ZBTB40: variants seen among roughly 807,000 people sequenced by gnomAD.
The protein encoded by ZBTB40 is zinc finger and BTB domain-containing protein 40.
ZBTB40 carries 60 observed loss-of-function variants against 117.5 expected under a neutral mutation model. The observed-to-expected ratio is 0.51, with a 90% CI of 0.41 to 0.63. The LOEUF is 0.63. ZBTB40 is among the 30% of genes least tolerant of loss of function. ZBTB40 has a pLI of 0.00. For missense variants in ZBTB40, 1,287 were observed against 1,498.5 expected (o/e 0.86, Z 2.33); for synonymous variants, 525 against 577.1 (o/e 0.91, Z 1.29).
At chr1:22,478,044 G>A (rs925303946) in intron 1 of ZBTB40, among the ~76,000 whole-genome samples, 7 of 152,050 alleles carry the variant, frequency 4.6e-5, no homozygotes, top group African/African-American at 7.2e-5. Flanking sequence ...TTATTTTGTC[G>A]TCCTTGACTC....
At chr1:22,521,124 G>C (rs1440114274) in intron 14 of ZBTB40, among the ~76,000 whole-genome samples, 1 of 152,246 alleles carries the variant, frequency 6.6e-6, no homozygotes, top group African/African-American at 2.4e-5. Flanking sequence ...GTTACAGTTG[G>C]AAGGCCTGGG....
chr1:22,512,812 T>C, intron 11 of ZBTB40, 112 bp from the exon 12 acceptor site: 2 of 1,253,198 alleles, frequency 1.6e-6, no homozygotes, highest in Non-Finnish European at 2.3e-6. Flanking sequence ...GGCTTCATGC[T>C]GTGCTTCCTC....
intron 12 of ZBTB40, among the ~76,000 whole-genome samples, chr1:22,515,728 G>A (rs1639357792): frequency 6.6e-6 from 1 of 152,140 alleles, no homozygotes; most frequent in African/African-American, 2.4e-5. Context: ...CATTCACAAA[G>A]TCCTTTTGCC....
At chr1:22,461,671 G>A (rs554813554) in intron 1 of ZBTB40, among the ~76,000 whole-genome samples, 16 of 152,312 alleles carry the variant, frequency 1.1e-4, no homozygotes, top group African/African-American at 3.6e-4. Flanking sequence ...AGTGTGATAG[G>A]ACAGTGTTGC....
rs918657850 is a variant in ZBTB40 at position 22,490,085 on chromosome 1, G to A, written c.137G>A (p.Ser46Asn). The A allele has an allele frequency of 1.9e-6, 3 of 1,614,152 alleles. No individual in the cohort carries two copies. Among genetic ancestry groups the A allele is most frequent in the Non-Finnish European group, 2.5e-6 (3 of 1,180,012 alleles). The change falls in exon 2 of 18, where the codon AGC becomes AAC. Residue 46 changes from serine to asparagine, a missense_variant. Transcript: ENST00000375647. ...RAHKLVLAAA[S>N]LLFKTLLDNT... ...CACAAGCTTGTCCTGGCTGCTGCCA[G>A]CCTCCTGTTCAAAACCCTGCTGGAT... is the stretch of plus-strand genomic sequence containing the variant.
intron 1 of ZBTB40, among the ~76,000 whole-genome samples, chr1:22,472,749 C>T (rs897650600): frequency 6.6e-6 from 1 of 152,152 alleles, no homozygotes; most frequent in African/African-American, 2.4e-5. Flanking sequence ...CTAGGTCCTT[C>T]GAGGCTTAAC....
At chr1:22,452,718 C>T (rs937340913) in intron 1 of ZBTB40, 1 of 152,374 alleles carries the variant, frequency 6.6e-6, no homozygotes, top group African/African-American at 2.4e-5. Flanking sequence ...TGTCATTCAG[C>T]TATTCCTCTC....
Position 22,491,438 on chromosome 1 carries a change from GA to G in ZBTB40, c.740del (p.Asn247MetfsTer16), listed in dbSNP as rs1209931109. ...RKHYQLNFLLENEGVFSDALM... is the reference protein window; with the variant it reads ...RKHYQLNFLLXNEGVFSDALM... ...ACACTACCAGCTGAATTTTCTTCTA[GA>G]AAATGAAGGTGTCTTCTCAGATGCA... On this transcript the variant is annotated frameshift_variant, in exon 3 of 18. Coordinates refer to ENST00000375647, the MANE Select transcript of ZBTB40 (RefSeq NM_014870.4). LOFTEE classifies it high-confidence loss of function. 5.0e-6 allele frequency: 8 copies of G among 1,613,982 alleles called. No individual in the cohort carries two copies. The South Asian group carries it at 7.7e-5, about 16-fold the overall frequency.
intron 1 of ZBTB40, among the ~76,000 whole-genome samples, chr1:22,477,440 A>G (rs1272686902): frequency 2.0e-5 from 3 of 152,084 alleles, no homozygotes; most frequent in Admixed American, 6.5e-5. Flanking sequence ...AATGAGGTCA[A>G]GAGATCGAGA....
intron 6 of ZBTB40, among the ~76,000 whole-genome samples, chr1:22,506,483 C>G (rs756623489): frequency 8.5e-5 from 13 of 152,172 alleles, no homozygotes; most frequent in Admixed American, 5.9e-4. Context: ...GATTTATTAA[C>G]GTGTGGCTTT....
chr1:22,430,221 G>A (rs1234517668), intron 1 of ZBTB40, among the ~76,000 whole-genome samples: 2 of 152,026 alleles, frequency 1.3e-5, no homozygotes, highest in Non-Finnish European at 2.9e-5. Context: ...TTTGAGTTGG[G>A]AATTTTGCAT....
intron 5 of ZBTB40, among the ~76,000 whole-genome samples, chr1:22,503,511 T>C (rs1638999798): frequency 6.6e-6 from 1 of 152,116 alleles, no homozygotes; most frequent in Non-Finnish European, 1.5e-5. Flanking sequence ...GAGAAAACGT[T>C]TAGAAGCCAC....
At chr1:22,497,032 A>C (rs1272866033) in intron 3 of ZBTB40, among the ~76,000 whole-genome samples, 1 of 152,202 alleles carries the variant, frequency 6.6e-6, no homozygotes, top group Non-Finnish European at 1.5e-5. Flanking sequence ...AATGCTGAAG[A>C]ACTTGGAGCC....
At chr1:22,489,706 CATAATG>C (rs1638568983) in intron 1 of ZBTB40, among the ~76,000 whole-genome samples, 168 bp from the exon 2 acceptor site, 1 of 152,226 alleles carries the variant, frequency 6.6e-6, no homozygotes, top group African/African-American at 2.4e-5. Context: ...TATTTAAACA[CATAATG>C]ATAATGATCA....
chr1:22,525,142 G>A (rs3754009), intron 17 of ZBTB40, among the ~76,000 whole-genome samples: 4,564 of 152,234 alleles, frequency 0.03, 146 homozygotes, highest in Admixed American at 0.07. Context: ...GGGGAACAGA[G>A]GGGAAGTCAG....
At chr1:22,488,640 G>A (rs1044205001) in intron 1 of ZBTB40, among the ~76,000 whole-genome samples, 18 of 152,194 alleles carry the variant, frequency 1.2e-4, no homozygotes, top group Non-Finnish European at 7.3e-5. Flanking sequence ...GTTAGGAGCC[G>A]ATGACAGCCA....
intron 1 of ZBTB40, among the ~76,000 whole-genome samples, chr1:22,455,467 T>C (rs904090929): frequency 6.6e-6 from 1 of 152,188 alleles, no homozygotes; most frequent in African/African-American, 2.4e-5. Context: ...ATATTGCACA[T>C]GTCATCAGAA....
chr1:22,445,269 C>G (rs1413028313), intron 1 of ZBTB40, among the ~76,000 whole-genome samples: 1 of 152,120 alleles, frequency 6.6e-6, no homozygotes, highest in East Asian at 1.9e-4. Context: ...CAGGGACAAA[C>G]CCAACTCTAA....
rs1430296906 is a variant in ZBTB40 at position 22,527,379 on chromosome 1, AC to A, written c.*985del. The A allele has an allele frequency of 6.6e-6, 1 of 151,922 alleles. No individual in the cohort carries two copies. Among genetic ancestry groups the A allele is most frequent in the Non-Finnish European group, 1.5e-5 (1 of 67,956 alleles). The allele number at this position is 151,922 out of a possible 1,614,324, so 9.4% of individuals were successfully genotyped here. On this transcript the variant is annotated 3_prime_UTR_variant, in exon 18 of 18. Transcript: ENST00000375647. ...TGCCTTGTGAGTGGCCTGCTGCCTC[AC>A]CTCCCGCAGGCCGCCACACTTATTG...
Sources: gnomAD v4.1 joint callset for allele counts (sites outside exome capture counted in the v4.1 genomes callset) on GRCh38, gnomAD v4.1.1 for gene constraint, MANE v1.5 for transcripts, NCBI Gene and HGNC (gene_info 2026-07-23, HGNC 2026-07-21) for gene names.